PDE4B: variants seen among roughly 807,000 people sequenced by gnomAD.
The protein encoded by PDE4B is phosphodiesterase 4B.
Under a neutral mutation model 82.2 loss-of-function variants are expected in PDE4B, and 20 were observed. The ratio of observed to expected loss-of-function variants is 0.24; its 90% CI spans 0.17 to 0.35. The LOEUF is 0.35. Ranked by LOEUF, PDE4B falls within the 10% of genes least tolerant of loss-of-function variation. PDE4B has a pLI of 1.00. For synonymous variants in PDE4B, 320 were observed against 318.9 expected, an observed-to-expected ratio of 1.00 and a Z score of -0.04; for missense variants, 655 against 907.2, an observed-to-expected ratio of 0.72 and a Z score of 3.57.
At chr1:65,959,655 C>T (rs1390814781) in intron 3 of PDE4B, among the ~76,000 whole-genome samples, 3 of 151,018 alleles carry the variant, frequency 2.0e-5, no homozygotes, top group South Asian at 2.1e-4. Context: ...TTATTACCCC[C>T]ATTTTTACAG....
intron 1 of PDE4B, among the ~76,000 whole-genome samples, chr1:65,854,724 T>C (rs1646372717): frequency 6.6e-6 from 1 of 152,066 alleles, no homozygotes; most frequent in Admixed American, 6.6e-5. Context: ...CTGAAATTCT[T>C]GCAAGTAGGT....
chr1:66,172,092 A>G (rs773961826), intron 3 of PDE4B, among the ~76,000 whole-genome samples: 5 of 152,096 alleles, frequency 3.3e-5, no homozygotes, highest in Non-Finnish European at 7.4e-5. Context: ...GTTGTTTTCC[A>G]GCTCTACCCT....
intron 1 of PDE4B, among the ~76,000 whole-genome samples, chr1:65,829,357 A>G (rs75886544): frequency 0.032 from 4,810 of 152,266 alleles, 196 homozygotes; most frequent in East Asian, 0.079. Flanking sequence ...TTACAATTAT[A>G]ATTACAAACT....
intron 7 of PDE4B, chr1:66,267,648 A>G (rs1655152138): frequency 6.6e-6 from 1 of 152,148 alleles, no homozygotes; most frequent in Non-Finnish European, 1.5e-5. Context: ...TTCTCAAACA[A>G]TGGAGCAAAG....
intron 3 of PDE4B, among the ~76,000 whole-genome samples, chr1:66,210,629 A>G (rs1235161426): frequency 1.3e-5 from 2 of 151,264 alleles, no homozygotes; most frequent in Admixed American, 6.6e-5. Flanking sequence ...AGAAAAAGGA[A>G]AAAAAGAAAA....
intron 3 of PDE4B, among the ~76,000 whole-genome samples, chr1:65,950,044 A>C (rs1055673978): frequency 2.6e-5 from 4 of 152,050 alleles, no homozygotes; most frequent in African/African-American, 7.2e-5. Context: ...CAGGTGCAGA[A>C]GTGGAAGTTT....
chr1:66,164,170 T>C (rs1381657752), intron 3 of PDE4B, among the ~76,000 whole-genome samples: 1 of 152,100 alleles, frequency 6.6e-6, no homozygotes, highest in Non-Finnish European at 1.5e-5. Flanking sequence ...CCTAGAGTAA[T>C]ATATTTCGTA....
intron 1 of PDE4B, among the ~76,000 whole-genome samples, chr1:65,904,643 G>A (rs1647008271): frequency 6.6e-6 from 1 of 151,966 alleles, no homozygotes. Context: ...TTTGCTGCTT[G>A]TTCTCTGATA....
chr1:66,334,553 C>T (rs1660365320), intron 8 of PDE4B, among the ~76,000 whole-genome samples: 1 of 152,096 alleles, frequency 6.6e-6, no homozygotes, highest in Non-Finnish European at 1.5e-5. Context: ...TAGAGCTAAC[C>T]CTAACAAAAG....
intron 1 of PDE4B, among the ~76,000 whole-genome samples, chr1:65,814,852 T>A (rs1645861985): frequency 6.6e-6 from 1 of 151,170 alleles, no homozygotes; most frequent in Non-Finnish European, 1.5e-5. Flanking sequence ...CAGCTACAAA[T>A]TTTTTTTTGT....
intron 3 of PDE4B, among the ~76,000 whole-genome samples, chr1:66,018,043 T>G (rs1174431730): frequency 2.0e-5 from 3 of 152,092 alleles, no homozygotes; most frequent in African/African-American, 7.2e-5. Flanking sequence ...AGAAGTTAGT[T>G]TTTTCTTTTA....
chr1:66,002,041 T>A (rs2100711633), intron 3 of PDE4B, among the ~76,000 whole-genome samples: 1 of 152,258 alleles, frequency 6.6e-6, no homozygotes, highest in Admixed American at 6.5e-5. Flanking sequence ...ATGCTTTACT[T>A]TATAAAACAC....
intron 3 of PDE4B, among the ~76,000 whole-genome samples, chr1:65,973,521 A>G (rs1208522402): frequency 6.6e-6 from 1 of 152,190 alleles, no homozygotes; most frequent in East Asian, 1.9e-4. Context: ...AGTTGTTACT[A>G]TATTTGCAAA....
chr1:65,923,438 T>C (rs1647323847), intron 3 of PDE4B, among the ~76,000 whole-genome samples: 1 of 152,240 alleles, frequency 6.6e-6, no homozygotes, highest in Admixed American at 6.5e-5. Flanking sequence ...TTGTGTATTT[T>C]AGTTATTTCT....
intron 3 of PDE4B, among the ~76,000 whole-genome samples, chr1:66,016,371 T>C (rs1263853756): frequency 6.6e-6 from 1 of 152,200 alleles, no homozygotes; most frequent in African/African-American, 2.4e-5. Flanking sequence ...ATATATCAAG[T>C]GCCTACTGTA....
chr1:66,125,871 T>A (rs1645811845), intron 3 of PDE4B, among the ~76,000 whole-genome samples: 1 of 152,106 alleles, frequency 6.6e-6, no homozygotes, highest in South Asian at 2.1e-4. Flanking sequence ...CAATGGCGTG[T>A]TCTCGACTCA....
intron 3 of PDE4B, among the ~76,000 whole-genome samples, chr1:66,188,504 T>C (rs946068006): frequency 2.5e-4 from 38 of 152,112 alleles, no homozygotes; most frequent in Admixed American, 7.9e-4. Flanking sequence ...ACTTGCTTTA[T>C]GAATCTGGGT....
intron 3 of PDE4B, among the ~76,000 whole-genome samples, chr1:66,032,653 ATTTTTTT>A: frequency 9.1e-6 from 1 of 110,430 alleles, no homozygotes; most frequent in Admixed American, 9.1e-5. Context: ...CATTTATCTA[ATTTTTTT>A]TTTTTTTTTT....
chr1:66,225,190 C>T (rs943384454), intron 3 of PDE4B, among the ~76,000 whole-genome samples: 6 of 152,218 alleles, frequency 3.9e-5, no homozygotes, highest in African/African-American at 1.2e-4. Context: ...CCTCCAGTTA[C>T]TGTGTCATGT....
Sources: allele counts gnomAD v4.1 joint callset (sites outside exome capture counted in the v4.1 genomes callset), GRCh38; gene constraint gnomAD v4.1.1; transcripts MANE v1.5; gene names NCBI Gene and HGNC (gene_info 2026-07-23, HGNC 2026-07-21).